Variants in NFYC observed in about 807,000 individuals in gnomAD.
NFYC encodes the protein CAAT box DNA-binding protein subunit C.
NFYC carries 25 observed loss-of-function variants against 53.1 expected under a neutral mutation model. The observed-to-expected ratio is 0.47, with a 90% confidence interval of 0.34 to 0.66. NFYC has a LOEUF of 0.66. Among genes scored for constraint, NFYC ranks in the 30% least tolerant of loss-of-function variants. The pLI is 0.01. For synonymous variants in NFYC, 145 were observed against 152.6 expected (o/e 0.95, Z 0.37); for missense variants, 260 against 422.7 (o/e 0.62, Z 3.38).
intron 8 of NFYC, 57 bp from the exon 9 acceptor site, chr1:40,769,299 G>A (rs765016797): frequency 5.1e-6 from 8 of 1,554,988 alleles, no homozygotes; most frequent in Admixed American, 1.7e-5. Flanking sequence ...TGGGTGGTGG[G>A]CTGGTGGATC....
intron 5 of NFYC, chr1:40,757,433 T>TA (rs1646287824): frequency 4.0e-6 from 2 of 501,306 alleles, no homozygotes; most frequent in Non-Finnish European, 8.3e-6. Flanking sequence ...GCGACCTCCC[T>TA]AATCAGCCAA....
chr1:40,753,334 T>A, intron 5 of NFYC, 88 bp downstream of exon 5: 1 of 834,086 alleles, frequency 1.2e-6, no homozygotes, highest in Non-Finnish European at 2.0e-6. Context: ...TCAGCACAAG[T>A]CATTTGCTAT....
chr1:40,756,745 A>T (rs982057372), intron 5 of NFYC, among the ~76,000 whole-genome samples: 3 of 152,340 alleles, frequency 2.0e-5, no homozygotes, highest in East Asian at 3.9e-4. Context: ...GATTCAGAGA[A>T]CTACTTTCCT....
rs141324771 is a variant in NFYC at position 40,767,634 on chromosome 1, C to T, written c.828+931C>T. ...CTTCCCTGGGATCCAAAAAACATAA[C>T]GGCATGGGAGTGGGAGGAAATGAGA... On this transcript the variant is annotated intron_variant, in intron 8 of 9. Transcript: ENST00000447388. 4.7e-3 allele frequency among the ~76,000 whole-genome samples: 722 copies of T among 152,160 alleles called. 4 individuals are homozygous for T. The highest frequency in any genetic ancestry group is 0.02 in the Middle Eastern group (6 of 294).
At chr1:40,759,251 G>A (rs11208827) in intron 6 of NFYC, among the ~76,000 whole-genome samples, 104 of 149,832 alleles carry the variant, frequency 6.9e-4, no homozygotes, top group African/African-American at 2.3e-3. Flanking sequence ...AAAAAAAAAG[G>A]CAGGGGCATG....
intron 1 of NFYC, among the ~76,000 whole-genome samples, chr1:40,733,567 TTTA>T (rs1644876150): frequency 1.3e-5 from 2 of 151,672 alleles, no homozygotes; most frequent in South Asian, 4.2e-4. Context: ...TCTTGTATTT[TTTA>T]TTATTATAAT....
At chr1:40,718,195 A>C (rs1245413601) in intron 1 of NFYC, among the ~76,000 whole-genome samples, 1 of 152,292 alleles carries the variant, frequency 6.6e-6, no homozygotes, top group East Asian at 1.9e-4. Flanking sequence ...TGTTTATATG[A>C]ATAGTACTTT....
intron 5 of NFYC, 34 bp from the exon 6 acceptor site, chr1:40,758,087 T>C: frequency 6.2e-7 from 1 of 1,610,870 alleles, no homozygotes; most frequent in Non-Finnish European, 8.5e-7. Context: ...AGTTGGTTCT[T>C]TTCCTCTTAC....
chr1:40,763,230 C>A (rs963227145), intron 7 of NFYC, 184 bp downstream of exon 7: 18 of 468,432 alleles, frequency 3.8e-5, no homozygotes, highest in African/African-American at 8.4e-5. Flanking sequence ...ATGTATGTCT[C>A]TATATATACC....
intron 1 of NFYC, among the ~76,000 whole-genome samples, chr1:40,694,293 T>G: frequency 6.6e-6 from 1 of 152,218 alleles, no homozygotes; most frequent in East Asian, 1.9e-4. Context: ...TCCTGAACAA[T>G]GTGTAAAATT....
At chr1:40,719,267 T>C (rs1456218752) in intron 1 of NFYC, among the ~76,000 whole-genome samples, 1 of 152,224 alleles carries the variant, frequency 6.6e-6, no homozygotes, top group African/African-American at 2.4e-5. Flanking sequence ...TTCTGATTTC[T>C]TGGAGGAATG....
At position 40,770,521 on chromosome 1, in the gene NFYC, A is replaced by G; in HGVS notation, c.889-188A>G. ...CTGCCCACCACACACCCCCCCTCAC[A>G]CCGGGCTGGTGCCTCCTGTGTCTGC... On this transcript the variant is annotated intron_variant, in intron 9 of 9. Coordinates refer to ENST00000447388, the MANE Select transcript of NFYC (RefSeq NM_014223.5). This position sits in a 1 kb window ranked among gnomAD's most constrained non-coding sequence, Gnocchi z 5.3. 1 of 1,559,102 alleles carries G rather than the reference A, an allele frequency of 6.4e-7. No individual in the cohort carries two copies. The highest frequency in any genetic ancestry group is 1.2e-5 in the South Asian group (1 of 85,096).
At chr1:40,716,789 T>G (rs1341470725) in intron 1 of NFYC, among the ~76,000 whole-genome samples, 2 of 152,144 alleles carry the variant, frequency 1.3e-5, no homozygotes, top group Non-Finnish European at 2.9e-5. Flanking sequence ...TGAACAGAGA[T>G]AGTGGTAGTA....
At chr1:40,769,117 T>C (rs1646963260) in intron 8 of NFYC, 2 of 485,714 alleles carry the variant, frequency 4.1e-6, no homozygotes, top group African/African-American at 2.0e-5. Flanking sequence ...GAGAGATGGG[T>C]GTGGGAACTA....
intron 8 of NFYC, chr1:40,766,955 G>GC: frequency 6.4e-7 from 1 of 1,552,190 alleles, no homozygotes; most frequent in Non-Finnish European, 8.7e-7. Flanking sequence ...CCTCGAAGGT[G>GC]CCTGAAAGAA....
At chr1:40,748,154 C>T (rs997629503) in intron 3 of NFYC, among the ~76,000 whole-genome samples, 3 of 151,628 alleles carry the variant, frequency 2.0e-5, no homozygotes, top group African/African-American at 7.3e-5. Context: ...CTTTTTGAGA[C>T]AGGGTCTCAC....
At chr1:40,707,196 A>G (rs1643737716) in intron 1 of NFYC, among the ~76,000 whole-genome samples, 1 of 151,486 alleles carries the variant, frequency 6.6e-6, no homozygotes, top group South Asian at 2.1e-4. Context: ...ATTTTTTTAT[A>G]TATATATGGT....
chr1:40,766,557 C>T lies in NFYC; in HGVS notation c.721-39C>T, dbSNP rs372448863. The T allele has an allele frequency of 3.4e-5, 50 of 1,473,444 alleles. No homozygotes were observed. In the African/African-American group the frequency reaches 5.0e-4, roughly 15 times the overall value. 91.3% of individuals were successfully genotyped at this position (1,473,444 alleles called of 1,614,324 possible). On this transcript the variant is annotated intron_variant, in intron 7 of 9. Coordinates refer to ENST00000447388, the MANE Select transcript of NFYC (RefSeq NM_014223.5). ...AAGTTTGCCTGTTTGAGATTATACT[C>T]AATGTCTTATGGTCTCTTTGTCTCT...
chr1:40,730,513 A>G, intron 1 of NFYC: 1 of 972,732 alleles, frequency 1.0e-6, no homozygotes, highest in Non-Finnish European at 1.2e-6. Flanking sequence ...ATAAAGTGAA[A>G]TGCAATAAAA....
Sources: allele counts gnomAD v4.1 joint callset (sites outside exome capture counted in the v4.1 genomes callset), GRCh38; gene constraint gnomAD v4.1.1; non-coding constraint Gnocchi (gnomAD v3.1); transcripts MANE v1.5; gene names NCBI Gene and HGNC (gene_info 2026-07-23, HGNC 2026-07-21).